The following ADGRV1 variants were observed in gnomAD, a reference collection of about 807,000 sequenced individuals.
ADGRV1 encodes the protein G-protein coupled receptor 98.
A neutral mutation model predicts 596.2 loss-of-function variants in ADGRV1; 359 were observed. The observed-to-expected ratio is 0.60, with a 90% CI of 0.55 to 0.66. The LOEUF is 0.66. Among genes scored for constraint, ADGRV1 ranks in the 30% least tolerant of loss-of-function variants. ADGRV1 has a pLI of 0.00. For missense variants in ADGRV1, 7,274 were observed against 7,575.6 expected (o/e 0.96, Z 1.48); for synonymous variants, 2,681 against 2,679.2 (o/e 1.00, Z -0.02).
At chr5:90,659,639 C>T (rs568055894) in intron 21 of ADGRV1, among the ~76,000 whole-genome samples, 3 of 152,182 alleles carry the variant, frequency 2.0e-5, no homozygotes, top group Admixed American at 2.0e-4. Flanking sequence ...GGAAAAATAC[C>T]CATAATTATC....
chr5:90,687,351 C>CTTAA (rs1409421321), intron 29 of ADGRV1, among the ~76,000 whole-genome samples: 2 of 152,080 alleles, frequency 1.3e-5, no homozygotes, highest in Non-Finnish European at 2.9e-5. Context: ...TTAGGTCTAA[C>CTTAA]GTTTAAGTCT....
chr5:90,596,866 T>G (rs1240042046), intron 1 of ADGRV1, among the ~76,000 whole-genome samples: 1 of 151,024 alleles, frequency 6.6e-6, no homozygotes, highest in Admixed American at 6.6e-5. Flanking sequence ...AGAGGGAGAG[T>G]GAGAGCTCTG....
chr5:90,983,664 A>C lies in ADGRV1; in HGVS notation c.17974-1680A>C, dbSNP rs542054464. On this transcript the variant is annotated intron_variant, in intron 84 of 89. Coordinates refer to ENST00000405460, the MANE Select transcript of ADGRV1 (RefSeq NM_032119.4). ...ACATCCCTATATTAATTATAGAAAG[A>C]AAAAAAAAGTTGGATCTAGTAATTT... 2.1e-4 allele frequency among the ~76,000 whole-genome samples: 32 copies of C among 151,926 alleles called. No individual in the cohort carries two copies. The South Asian group carries it at 4.2e-3, about 20-fold the overall frequency.
At chr5:91,051,695 C>T (rs975960091) in intron 85 of ADGRV1, among the ~76,000 whole-genome samples, 1 of 151,794 alleles carries the variant, frequency 6.6e-6, no homozygotes, top group African/African-American at 2.4e-5. Flanking sequence ...CACAGGTGCC[C>T]GCCACCATGC....
At chr5:90,609,257 A>G (rs776848765) in intron 1 of ADGRV1, among the ~76,000 whole-genome samples, 38 of 152,020 alleles carry the variant, frequency 2.5e-4, no homozygotes, top group Non-Finnish European at 4.7e-4. Context: ...TTTACTGTTT[A>G]TCTTTTTATT....
rs187624756 is a variant in ADGRV1 at position 90,710,533 on chromosome 5, G to T, written c.8825-448G>T. ...CTTCTGTTTGTGTCCATGTCTCTCT[G>T]TGTCTCTTTTGCACACCTCTGTTTT... On this transcript the variant is annotated intron_variant, in intron 39 of 89. Transcript: ENST00000405460. Among the ~76,000 whole-genome samples, 4 of 152,060 alleles carry T rather than the reference G, an allele frequency of 2.6e-5. No individual in the cohort carries two copies. In the East Asian group the frequency reaches 7.7e-4, roughly 29 times the overall value.
chr5:90,707,226 G>T (rs1012692019), intron 38 of ADGRV1, among the ~76,000 whole-genome samples: 1 of 152,070 alleles, frequency 6.6e-6, no homozygotes, highest in African/African-American at 2.4e-5. Context: ...TCATATTGTG[G>T]AATCTCATGT....
chr5:91,144,299 G>A (rs1215257660), intron 87 of ADGRV1, among the ~76,000 whole-genome samples: 2 of 152,132 alleles, frequency 1.3e-5, no homozygotes, highest in African/African-American at 2.4e-5. Flanking sequence ...AAATATTACT[G>A]AGGACACTTT....
At chr5:90,786,318 G>A (rs1377780678) in intron 67 of ADGRV1, among the ~76,000 whole-genome samples, 1 of 152,184 alleles carries the variant, frequency 6.6e-6, no homozygotes, top group Non-Finnish European at 1.5e-5. Flanking sequence ...GTTGATGGGT[G>A]CAGCAAACCA....
intron 60 of ADGRV1, among the ~76,000 whole-genome samples, chr5:90,774,921 T>C (rs1292859418): frequency 6.6e-6 from 1 of 152,216 alleles, no homozygotes; most frequent in Non-Finnish European, 1.5e-5. Context: ...TGTCATATTA[T>C]GTTTAGCATT....
chr5:90,647,806 C>CT, intron 17 of ADGRV1, 42 bp downstream of exon 17: 1 of 1,557,324 alleles, frequency 6.4e-7, no homozygotes, highest in Non-Finnish European at 8.7e-7. Context: ...TGCCTCAGTG[C>CT]TTTAATAAGA....
chr5:90,671,508 C>G (rs893713890), intron 21 of ADGRV1, among the ~76,000 whole-genome samples: 2 of 152,178 alleles, frequency 1.3e-5, no homozygotes, highest in Non-Finnish European at 2.9e-5. Flanking sequence ...CTCAGTGAAA[C>G]TCAGAGGATT....
rs1767333396 is a variant in ADGRV1 at position 90,643,879 on chromosome 5, A to G, written c.2630A>G (p.Asn877Ser). Residue 877 changes from asparagine (N) to serine (S), a missense_variant, in exon 14 of 90, where the codon AAT (asparagine) becomes AGT (serine). Physicochemically the swap from Asn to Ser is conservative, Grantham distance 46. This residue lies in a region of ADGRV1 where 1,715 missense variants were observed against 1,708.8 expected (regional missense o/e 1.00). Transcript: ENST00000405460. ...ESKLGSATIVNITILKNDDPH... is the reference protein window; with the variant it reads ...ESKLGSATIVSITILKNDDPH... ...AAGTTGGGAAGTGCCACCATTGTCA[A>G]TATAACGATTCTGAAAAATGATGAT... The G allele has an allele frequency of 5.6e-6, 9 of 1,611,886 alleles. No individual in the cohort carries two copies. The highest frequency in any genetic ancestry group is 7.6e-6 in the Non-Finnish European group (9 of 1,178,780).
At chr5:90,760,059 G>A (rs1756337745) in intron 58 of ADGRV1, 1 of 154,966 alleles carries the variant, frequency 6.5e-6, no homozygotes, top group Non-Finnish European at 1.4e-5. Context: ...CGGATCACGA[G>A]GTCATGAGTT....
intron 83 of ADGRV1, among the ~76,000 whole-genome samples, chr5:90,927,903 C>A (rs1404744505): frequency 6.6e-6 from 1 of 152,030 alleles, no homozygotes; most frequent in Admixed American, 6.6e-5. Flanking sequence ...CGTAGTTTGG[C>A]TGGATATGAA....
chr5:91,019,455 T>G (rs1581805137), intron 85 of ADGRV1, among the ~76,000 whole-genome samples: 1 of 152,014 alleles, frequency 6.6e-6, no homozygotes, highest in East Asian at 1.9e-4. Flanking sequence ...TTATACTATT[T>G]GATGAGTCTG....
rs933128918 is a variant in ADGRV1 at position 90,626,280 on chromosome 5, C to G, written c.673-931C>G. The G allele has an allele frequency of 1.1e-4, 16 of 152,000 alleles. 1 individual carries two copies. Among genetic ancestry groups the G allele is most frequent in the Admixed American group, 1.3e-4 (2 of 15,276 alleles). 9.4% of individuals were successfully genotyped at this position (152,000 alleles called of 1,614,324 possible). A position where few individuals can be genotyped will look rare whatever the true frequency, so the allele number is the denominator to read the frequency against. On this transcript the variant is annotated intron_variant, in intron 6 of 89. Coordinates refer to ENST00000405460, the MANE Select transcript of ADGRV1 (RefSeq NM_032119.4). ...TGAAAAAAAATGAAATATTTGGAAG[C>G]ATTGATATCTCCAGTTCCTCTGGTT...
At chr5:90,580,845 G>T (rs554689722) in intron 1 of ADGRV1, among the ~76,000 whole-genome samples, 1 of 151,570 alleles carries the variant, frequency 6.6e-6, no homozygotes, top group African/African-American at 2.4e-5. Flanking sequence ...CCTGAAGAGT[G>T]TTTTCCAGCT....
At position 90,693,911 on chromosome 5, in the gene ADGRV1, G is replaced by A. The variant is rs369886529; in HGVS notation, c.7155G>A (p.Leu2385=). The A allele has an allele frequency of 3.8e-6, 6 of 1,566,828 alleles. No homozygotes were observed. The South Asian group carries it at 6.0e-5, about 16-fold the overall frequency. The part of the protein sequence containing the change: ...VRRSGGHFGR[L]LLFYSTSDID... ...TTAGCGGAGGGCACTTTGGTCGGCTGTTGTTGTTCTACAGTACTTCCGACA... is the reference window on the plus strand; with the variant it reads ...TTAGCGGAGGGCACTTTGGTCGGCTATTGTTGTTCTACAGTACTTCCGACA... The change falls in exon 33 of 90, where the codon CTG becomes CTA. Residue 2385 remains leucine, a synonymous_variant. Coordinates refer to ENST00000405460, the MANE Select transcript of ADGRV1 (RefSeq NM_032119.4).
Sources: allele counts gnomAD v4.1 joint callset (sites outside exome capture counted in the v4.1 genomes callset), GRCh38; gene constraint gnomAD v4.1.1; regional missense constraint gnomAD v4.1.1; transcripts MANE v1.5; gene names NCBI Gene and HGNC (gene_info 2026-07-23, HGNC 2026-07-21).